DENND1A: variants seen among roughly 807,000 people sequenced by gnomAD.
DENND1A encodes DENN domain-containing protein 1A.
DENND1A carries 51 observed loss-of-function variants against 113.7 expected under a neutral mutation model. That is an observed-to-expected ratio of 0.45 (90% confidence interval 0.36 to 0.57). The LOEUF (loss-of-function observed/expected upper bound fraction) is 0.57, where lower values mean the gene tolerates loss of function less well. Among genes scored for constraint, DENND1A ranks in the 20% least tolerant of loss-of-function variants. The pLI, the probability that DENND1A is intolerant of heterozygous loss-of-function variation, is 0.00. For synonymous variants in DENND1A, 565 were observed against 570.8 expected (o/e 0.99, Z 0.14); for missense variants, 1,258 against 1,395.9 (o/e 0.90, Z 1.57).
chr9:123,445,884 A>G (rs2047270030), intron 18 of DENND1A, among the ~76,000 whole-genome samples: 1 of 152,176 alleles, frequency 6.6e-6, no homozygotes, highest in South Asian at 2.1e-4. Context: ...AACAAACAAA[A>G]GACAGACAAA....
At chr9:123,809,617 C>T (rs1378833832) in intron 2 of DENND1A, among the ~76,000 whole-genome samples, 1 of 152,144 alleles carries the variant, frequency 6.6e-6, no homozygotes, top group African/African-American at 2.4e-5. Flanking sequence ...AGAAAGAAAA[C>T]AATTATTAAA....
intron 13 of DENND1A, among the ~76,000 whole-genome samples, chr9:123,468,594 G>A (rs1212637332): frequency 1.3e-5 from 2 of 152,206 alleles, no homozygotes; most frequent in East Asian, 3.9e-4. Context: ...CCCTCCCAGA[G>A]CTGGGAGGAG....
At chr9:123,411,389 C>T (rs917781744) in intron 20 of DENND1A, 1 of 152,296 alleles carries the variant, frequency 6.6e-6, no homozygotes, top group Non-Finnish European at 1.5e-5. Flanking sequence ...AATGCATCTC[C>T]AGACCAAGAT....
At chr9:123,901,676 A>G (rs1851647317) in intron 1 of DENND1A, among the ~76,000 whole-genome samples, 1 of 152,186 alleles carries the variant, frequency 6.6e-6, no homozygotes, top group Admixed American at 6.5e-5. Context: ...AAGACCTTCT[A>G]ATCTTCTGAT....
At chr9:123,701,249 T>C (rs541892393) in intron 5 of DENND1A, among the ~76,000 whole-genome samples, 17 of 152,220 alleles carry the variant, frequency 1.1e-4, no homozygotes, top group African/African-American at 4.1e-4. Context: ...GAAACATCAA[T>C]TTAAACAGTT....
chr9:123,568,399 T>C (rs184240043), intron 12 of DENND1A, among the ~76,000 whole-genome samples: 5 of 152,338 alleles, frequency 3.3e-5, no homozygotes, highest in Admixed American at 3.3e-4. Flanking sequence ...GCACAGTGCC[T>C]GGCACACTGT....
At chr9:123,714,721 GATC>G (rs1403436731) in intron 5 of DENND1A, among the ~76,000 whole-genome samples, 26 of 152,140 alleles carry the variant, frequency 1.7e-4, no homozygotes, top group Non-Finnish European at 2.5e-4. Flanking sequence ...GCCTTTAAAT[GATC>G]ATAACTATAA....
chr9:123,465,525 T>C (rs562173339), intron 13 of DENND1A, among the ~76,000 whole-genome samples: 6 of 152,174 alleles, frequency 3.9e-5, no homozygotes, highest in Non-Finnish European at 8.8e-5. Flanking sequence ...AATGCCAACC[T>C]ACCTCACAGG....
chr9:123,668,111 G>A (rs532832191), intron 7 of DENND1A, among the ~76,000 whole-genome samples: 2 of 152,262 alleles, frequency 1.3e-5, no homozygotes, highest in South Asian at 2.1e-4. Flanking sequence ...TGGCAAGCAG[G>A]AACGGAAAGA....
At chr9:123,806,743 T>C (rs562207942) in intron 2 of DENND1A, among the ~76,000 whole-genome samples, 1 of 152,306 alleles carries the variant, frequency 6.6e-6, no homozygotes, top group Admixed American at 6.5e-5. Flanking sequence ...TCTTCGCTTA[T>C]TTTGTTCACT....
rs1017925996 is a variant in DENND1A, at chr9:123,422,779, G to A, written c.1489-10950C>T. Among the ~76,000 whole-genome samples, 1 of 152,178 alleles carries A rather than the reference G, an allele frequency of 6.6e-6. No individual in the cohort carries two copies. Among genetic ancestry groups the A allele is most frequent in the Non-Finnish European group, 1.5e-5 (1 of 68,032 alleles). On this transcript the variant is annotated intron_variant, in intron 19 of 23. Transcript: ENST00000394215. The surrounding 1 kb of genome is among the most constrained non-coding windows in gnomAD (Gnocchi z 4.8). ...TTTGACAGGACTGACATTTTGTACT[G>A]CTGTGAGATGGGAAAACGTGTGACA...
rs1249743625 is a variant in DENND1A at position 123,381,196 on chromosome 9, C to T, written c.*236G>A. 1.4e-5 allele frequency: 8 copies of T among 578,396 alleles called. No individual in the cohort carries two copies. The highest frequency in any genetic ancestry group is 4.6e-4 in the Middle Eastern group (1 of 2,192). 35.8% of individuals were successfully genotyped at this position (578,396 alleles called of 1,614,324 possible). ...CAAGGGTGCCGAGGAGAGGCAACCG[C>T]GGGGTGGGATGGGCACTCAGGAACT... On this transcript the variant is annotated 3_prime_UTR_variant, in exon 24 of 24. Coordinates refer to ENST00000394215, the MANE Select transcript of DENND1A (RefSeq NM_001352964.2). This position sits in a 1 kb window ranked among gnomAD's most constrained non-coding sequence, Gnocchi z 4.7.
intron 3 of DENND1A, among the ~76,000 whole-genome samples, chr9:123,780,353 G>A (rs1831118862): frequency 6.6e-6 from 1 of 152,278 alleles, no homozygotes; most frequent in Middle Eastern, 3.4e-3. Context: ...CATTACCAGT[G>A]TTCCCCAGAG....
At chr9:123,914,554 A>AT (rs1416617641) in intron 1 of DENND1A, among the ~76,000 whole-genome samples, 1 of 151,362 alleles carries the variant, frequency 6.6e-6, no homozygotes, top group African/African-American at 2.4e-5. Context: ...CAAAAAAAAA[A>AT]AAAAAAAAAG....
chr9:123,397,866 C>T (rs986458346), intron 21 of DENND1A, among the ~76,000 whole-genome samples: 1 of 152,180 alleles, frequency 6.6e-6, no homozygotes, highest in Non-Finnish European at 1.5e-5. Flanking sequence ...GGGCAGCAGC[C>T]CTGGGCCCTG....
At chr9:123,481,393 G>A (rs2050324290) in intron 13 of DENND1A, among the ~76,000 whole-genome samples, 1 of 152,254 alleles carries the variant, frequency 6.6e-6, no homozygotes, top group Admixed American at 6.5e-5. Context: ...GGAAGAAACA[G>A]TGAGGGAAGC....
intron 10 of DENND1A, among the ~76,000 whole-genome samples, chr9:123,622,228 C>A (rs568085397): frequency 6.6e-6 from 1 of 152,182 alleles, no homozygotes; most frequent in Non-Finnish European, 1.5e-5. Flanking sequence ...AAAGCATGAG[C>A]TTGTCTTGAT....
At chr9:123,564,201 G>T (rs1312057028) in intron 12 of DENND1A, among the ~76,000 whole-genome samples, 1 of 152,240 alleles carries the variant, frequency 6.6e-6, no homozygotes. Context: ...CCAGGAGAAT[G>T]AAAATACCCT....
At chr9:123,521,518 G>A (rs1193096685) in intron 13 of DENND1A, among the ~76,000 whole-genome samples, 1 of 152,198 alleles carries the variant, frequency 6.6e-6, no homozygotes, top group Non-Finnish European at 1.5e-5. Context: ...TAGCATCAGT[G>A]TTCCAAACAA....
Sources: allele counts gnomAD v4.1 joint callset (sites outside exome capture counted in the v4.1 genomes callset), GRCh38; gene constraint gnomAD v4.1.1; non-coding constraint Gnocchi (gnomAD v3.1); transcripts MANE v1.5; gene names NCBI Gene and HGNC (gene_info 2026-07-23, HGNC 2026-07-21).